Variants in TERB1 observed in about 807,000 individuals in gnomAD.
TERB1 encodes the protein telomere repeats-binding bouquet formation protein 1.
TERB1 carries 63 observed loss-of-function variants against 92.3 expected under a neutral mutation model. That is an observed-to-expected ratio of 0.68 (90% CI 0.56 to 0.84). The LOEUF is 0.84. Ranked by LOEUF, TERB1 falls within the 40% of genes least tolerant of loss-of-function variation. The pLI, the probability that TERB1 is intolerant of heterozygous loss-of-function variation, is 0.00. For synonymous variants in TERB1, 252 were observed against 283.9 expected, an observed-to-expected ratio of 0.89 and a Z score of 1.13; for missense variants, 709 against 843.7, an observed-to-expected ratio of 0.84 and a Z score of 1.98.
chr16:66,784,748 A>ATTTTTT (rs34949570), intron 9 of TERB1, among the ~76,000 whole-genome samples: 3 of 117,606 alleles, frequency 2.6e-5, no homozygotes, highest in Admixed American at 1.9e-4. Flanking sequence ...TTAATTTTTA[A>ATTTTTT]TTTTTTTTTT....
intron 9 of TERB1, among the ~76,000 whole-genome samples, chr16:66,780,142 C>T (rs2018612532): frequency 6.6e-6 from 1 of 152,232 alleles, no homozygotes; most frequent in African/African-American, 2.4e-5. Flanking sequence ...GTTGGGATTA[C>T]AGGCGTGAGC....
chr16:66,789,135 T>C (rs924799769), intron 5 of TERB1, among the ~76,000 whole-genome samples: 6 of 151,906 alleles, frequency 3.9e-5, no homozygotes, highest in Admixed American at 2.0e-4. Context: ...AAGAGTATAA[T>C]TGGATTGTTT....
intron 4 of TERB1, 54 bp from the exon 5 acceptor site, chr16:66,790,777 T>C: frequency 6.6e-7 from 1 of 1,517,830 alleles, no homozygotes; most frequent in Non-Finnish European, 8.9e-7. Flanking sequence ...TTTTCAGGGA[T>C]AAAATAAATC....
intron 16 of TERB1, among the ~76,000 whole-genome samples, chr16:66,761,281 G>C (rs1440442878): frequency 6.7e-6 from 1 of 149,974 alleles, no homozygotes; most frequent in Non-Finnish European, 1.5e-5. Context: ...ACAAAACCCC[G>C]TCTCTACTCA....
Position 66,760,793 on chromosome 16 carries a change from AAAAAAAAAG to A in TERB1, c.1781-1512_1781-1504del, listed in dbSNP as rs756222507. Among the ~76,000 whole-genome samples the A allele has an allele frequency of 2.6e-4, 9 of 34,828 alleles. No homozygotes were observed. In the East Asian group the frequency reaches 0.013, roughly 51 times the overall value. The allele number at this position is 34,828 out of a possible 152,430, so 22.8% of individuals were successfully genotyped here. A position where few individuals can be genotyped will look rare whatever the true frequency, so the allele number is the denominator to read the frequency against. On this transcript the variant is annotated intron_variant, in intron 16 of 18. Coordinates refer to ENST00000433154, the MANE Select transcript of TERB1 (RefSeq NM_001136505.2). ...AGCGAGACTCCATCTCAAAAAAAAAAAAAAAAAAGAAAAGAAAAGAAAAGAAAAAGAGCA... is the reference window on the plus strand; with the variant it reads ...AGCGAGACTCCATCTCAAAAAAAAAAAAAAGAAAAGAAAAGAAAAAGAGCA...
chr16:66,776,811 C>G (rs1320382724), intron 11 of TERB1, among the ~76,000 whole-genome samples: 1 of 152,060 alleles, frequency 6.6e-6, no homozygotes, highest in East Asian at 1.9e-4. Context: ...ACAAGGAGAA[C>G]AGAATCAGAT....
intron 12 of TERB1, among the ~76,000 whole-genome samples, chr16:66,773,097 G>C (rs1387899720): frequency 6.6e-6 from 1 of 151,884 alleles, no homozygotes; most frequent in African/African-American, 2.4e-5. Flanking sequence ...GGGATGCCGA[G>C]GCGGGAGGAT....
At chr16:66,759,825 GAAAGA>G (rs962460596) in intron 16 of TERB1, among the ~76,000 whole-genome samples, 16 of 136,686 alleles carry the variant, frequency 1.2e-4, no homozygotes, top group East Asian at 4.2e-4. Flanking sequence ...AAAAAGGAAA[GAAAGA>G]AAAGAAAAGA....
chr16:66,793,279 G>A (rs1443496383), intron 3 of TERB1, among the ~76,000 whole-genome samples: 1 of 141,968 alleles, frequency 7.0e-6, no homozygotes, highest in Non-Finnish European at 1.5e-5. Flanking sequence ...GCGCAGTGGT[G>A]CTATCTCACT....
At chr16:66,782,498 C>T (rs1008700081) in intron 9 of TERB1, among the ~76,000 whole-genome samples, 2 of 147,696 alleles carry the variant, frequency 1.4e-5, no homozygotes, top group Non-Finnish European at 3.0e-5. Context: ...TGTAGTGAGT[C>T]GAGACTGTAC....
intron 5 of TERB1, 88 bp downstream of exon 5, chr16:66,790,507 G>T: frequency 2.0e-6 from 2 of 994,600 alleles, no homozygotes; most frequent in Admixed American, 3.3e-5. Flanking sequence ...AAAAAGGAAA[G>T]GAAATTAACT....
chr16:66,768,021 C>G (rs561755483), intron 15 of TERB1, 83 bp downstream of exon 15: 1 of 1,139,834 alleles, frequency 8.8e-7, no homozygotes, highest in Non-Finnish European at 1.3e-6. Flanking sequence ...AGCCACCGCA[C>G]CCAGTCAATG....
chr16:66,761,602 G>A (rs929688935), intron 16 of TERB1, among the ~76,000 whole-genome samples: 3 of 150,326 alleles, frequency 2.0e-5, no homozygotes, highest in South Asian at 2.1e-4. Context: ...ACCATCCTGG[G>A]CAACATAGTG....
chr16:66,787,468 A>C (rs374136859), intron 6 of TERB1, among the ~76,000 whole-genome samples: 2 of 152,162 alleles, frequency 1.3e-5, no homozygotes, highest in East Asian at 1.9e-4. Flanking sequence ...TAACAGTTTG[A>C]AGAATTAAAA....
rs760444687 is a variant in TERB1 at position 66,799,403 on chromosome 16, T to A, written c.-33+1574A>T. Among the ~76,000 whole-genome samples the A allele has an allele frequency of 3.8e-4, 58 of 152,180 alleles. 1 individual carries two copies. Among genetic ancestry groups the A allele is most frequent in the Middle Eastern group, 3.4e-3 (1 of 294 alleles). Reference sequence around the variant, plus strand: ...CCACCATGCCTGGCTAATTTTTGTATTTTTAGTAGAGACAGGCTTTCACGA... The same window carrying A: ...CCACCATGCCTGGCTAATTTTTGTAATTTTAGTAGAGACAGGCTTTCACGA... On this transcript the variant is annotated intron_variant, in intron 2 of 18. Transcript: ENST00000433154.
chr16:66,791,482 T>C (rs1290402716), intron 3 of TERB1, among the ~76,000 whole-genome samples: 3 of 151,946 alleles, frequency 2.0e-5, no homozygotes, highest in Admixed American at 2.0e-4. Context: ...AAGGAAATTA[T>C]AAAGATCTAA....
At chr16:66,769,241 T>A (rs1475155233) in intron 14 of TERB1, among the ~76,000 whole-genome samples, 1 of 152,088 alleles carries the variant, frequency 6.6e-6, no homozygotes, top group Non-Finnish European at 1.5e-5. Flanking sequence ...GCTTCCCAAT[T>A]CCCATACCTG....
At chr16:66,774,622 A>G (rs1299385317) in intron 12 of TERB1, among the ~76,000 whole-genome samples, 2 of 151,552 alleles carry the variant, frequency 1.3e-5, no homozygotes, top group Non-Finnish European at 2.9e-5. Context: ...TCTCTTCCAC[A>G]TGGGTTTGTA....
At chr16:66,757,796 A>G (rs2018161650) in intron 18 of TERB1, among the ~76,000 whole-genome samples, 1 of 152,238 alleles carries the variant, frequency 6.6e-6, no homozygotes, top group Non-Finnish European at 1.5e-5. Flanking sequence ...ACTCCGTACG[A>G]ATAAAAGAAA....
Sources: allele counts gnomAD v4.1 joint callset (sites outside exome capture counted in the v4.1 genomes callset), GRCh38; gene constraint gnomAD v4.1.1; transcripts MANE v1.5; gene names NCBI Gene and HGNC (gene_info 2026-07-23, HGNC 2026-07-21).